Variants in MILR1 observed in about 807,000 individuals in gnomAD.
MILR1 encodes allergin-1.
A neutral mutation model predicts 18.5 loss-of-function variants in MILR1; 31 were observed. The ratio of observed to expected loss-of-function variants is 1.68; its 90% CI spans 1.26 to 2.26. MILR1 has a LOEUF of 2.26. MILR1 is among the 30% of genes most tolerant of loss of function. The pLI, the probability that MILR1 is intolerant of heterozygous loss-of-function variation, is 0.00. For missense variants in MILR1, 257 were observed against 157.4 expected, an observed-to-expected ratio of 1.63 and a Z score of -3.38; for synonymous variants, 85 against 56.2, an observed-to-expected ratio of 1.51 and a Z score of -2.30.
chr17:64,491,485 G>A, the MILR1 span: 171 of 1,319,466 alleles, frequency 1.3e-4, no homozygotes, highest in Middle Eastern at 2.7e-4. Flanking sequence ...AGTCCAGCCC[G>A]GGCAAAAGAG....
At chr17:64,461,450 T>C (rs937764583) in intron 5 of MILR1, among the ~76,000 whole-genome samples, 8 of 152,028 alleles carry the variant, frequency 5.3e-5, no homozygotes, top group Non-Finnish European at 8.8e-5. Flanking sequence ...GGTTTCACCA[T>C]GTTGGCCAGG....
intron 2 of MILR1, among the ~76,000 whole-genome samples, chr17:64,450,097 C>T (rs2037134131): frequency 6.6e-6 from 1 of 152,086 alleles, no homozygotes; most frequent in East Asian, 1.9e-4. Flanking sequence ...TGCCACCAAG[C>T]CTGGCTAATG....
intron 5 of MILR1, among the ~76,000 whole-genome samples, chr17:64,464,091 G>T (rs1212392449): frequency 6.6e-6 from 1 of 151,346 alleles, no homozygotes; most frequent in Non-Finnish European, 1.5e-5. Flanking sequence ...CAAAGTGCTG[G>T]GGCTGGTGAG....
the MILR1 span, chr17:64,490,827 T>G: frequency 3.2e-5 from 51 of 1,613,600 alleles, no homozygotes; most frequent in South Asian, 4.7e-4. Flanking sequence ...AGGATACATG[T>G]GTAAAAGTTC....
chr17:64,477,988 C>G, the MILR1 span: 1 of 1,613,330 alleles, frequency 6.2e-7, no homozygotes, highest in Non-Finnish European at 8.5e-7. Context: ...TTTCATCATA[C>G]CTAAGAAAAA....
At chr17:64,483,055 G>T in the MILR1 span, 11 of 859,472 alleles carry the variant, frequency 1.3e-5, no homozygotes, top group Middle Eastern at 2.4e-4. Flanking sequence ...AGCATAGTTT[G>T]TTTAAATATA....
intron 3 of MILR1, 138 bp from the exon 4 acceptor site, chr17:64,457,262 C>G (rs2037319672): frequency 2.5e-6 from 1 of 399,412 alleles, no homozygotes; most frequent in Non-Finnish European, 4.4e-6. Context: ...GGGCCGTGAG[C>G]TTCTTGACTT....
At chr17:64,496,330 C>T in the MILR1 span, 1 of 926,152 alleles carries the variant, frequency 1.1e-6, no homozygotes, top group Non-Finnish European at 1.7e-6. Context: ...GGGCCAGTTG[C>T]AATCCCCAAG....
At chr17:64,475,329 G>A in the MILR1 span, among the ~76,000 whole-genome samples, 3 of 151,966 alleles carry the variant, frequency 2.0e-5, no homozygotes, top group East Asian at 5.8e-4. Context: ...GCAAATACTC[G>A]GTGAGAAGCT....
At chr17:64,493,892 A>T in the MILR1 span, among the ~76,000 whole-genome samples, 1 of 152,214 alleles carries the variant, frequency 6.6e-6, no homozygotes, top group Admixed American at 6.5e-5. Flanking sequence ...ATTTTGCCAC[A>T]TTTTTTTCTT....
intron 3 of MILR1, among the ~76,000 whole-genome samples, chr17:64,455,746 A>C (rs1436887323): frequency 1.3e-5 from 2 of 151,638 alleles, no homozygotes; most frequent in African/African-American, 4.8e-5. Flanking sequence ...AAATGTTTAA[A>C]GAGAACACAG....
At position 64,465,569 on chromosome 17, in the gene MILR1, G is replaced by A. The variant is rs371469675; in HGVS notation, c.853+28G>A. ...AAGAGAACTTTGTTGCGTGTTTTGG[G>A]TGGTTTCAGGTTTTTGTCTTTTTAT... On this transcript the variant is annotated intron_variant, in intron 6 of 9. Transcript: ENST00000619286. 3.2e-4 allele frequency: 500 copies of A among 1,579,076 alleles called. 1 individual carries two copies. Among genetic ancestry groups the A allele is most frequent in the South Asian group, 1.2e-3 (102 of 86,098 alleles).
chr17:64,472,457 C>T (rs1323641905), downstream of MILR1, among the ~76,000 whole-genome samples: 3 of 77,956 alleles, frequency 3.8e-5, no homozygotes, highest in Non-Finnish European at 6.3e-5. Flanking sequence ...CAGAGCAAGA[C>T]TCCATCTCAA....
chr17:64,464,280 C>T (rs1359757504), intron 5 of MILR1, among the ~76,000 whole-genome samples: 1 of 150,200 alleles, frequency 6.7e-6, no homozygotes, highest in East Asian at 2.0e-4. Flanking sequence ...CCATGCCTGG[C>T]TAATTTTTTT....
the MILR1 span, among the ~76,000 whole-genome samples, chr17:64,475,423 C>A: frequency 6.6e-6 from 1 of 151,710 alleles, no homozygotes; most frequent in South Asian, 2.1e-4. Flanking sequence ...CCGAGGCGGG[C>A]GGATCACCTG....
At chr17:64,483,570 A>G in the MILR1 span, among the ~76,000 whole-genome samples, 14 of 150,956 alleles carry the variant, frequency 9.3e-5, no homozygotes, top group South Asian at 1.0e-3. Context: ...CAACTCCCTC[A>G]GTCAAAATGC....
the MILR1 span, chr17:64,497,038 A>G: frequency 1.5e-4 from 225 of 1,486,610 alleles, no homozygotes; most frequent in East Asian, 5.0e-3. Flanking sequence ...ACTACCGTTA[A>G]CAGAATCCGG....
At chr17:64,485,424 C>T in the MILR1 span, 3 of 369,054 alleles carry the variant, frequency 8.1e-6, no homozygotes, top group Non-Finnish European at 1.5e-5. Flanking sequence ...AATGCTTCAG[C>T]TTCTGATACA....
the MILR1 span, chr17:64,483,054 T>C: frequency 7.0e-6 from 6 of 860,550 alleles, no homozygotes; most frequent in East Asian, 1.5e-4. Flanking sequence ...AAGCATAGTT[T>C]GTTTAAATAT....
Sources: allele counts gnomAD v4.1 joint callset (sites outside exome capture counted in the v4.1 genomes callset), GRCh38; gene constraint gnomAD v4.1.1; transcripts MANE v1.5; gene names NCBI Gene and HGNC (gene_info 2026-07-23, HGNC 2026-07-21).